The following TGFBR2 variants were observed in gnomAD, a reference collection of about 807,000 sequenced individuals.
The protein encoded by TGFBR2 is transforming growth factor beta receptor 2.
In TGFBR2, 18 loss-of-function variants were observed where a neutral mutation model predicts 49.0. That is an observed-to-expected ratio of 0.37 (90% CI 0.25 to 0.54). TGFBR2 has a LOEUF of 0.54. Ranked by LOEUF, TGFBR2 falls within the 20% of genes least tolerant of loss-of-function variation. The pLI is 0.85. For synonymous variants in TGFBR2, 282 were observed against 275.9 expected (o/e 1.02, Z -0.22); for missense variants, 525 against 722.6 (o/e 0.73, Z 3.13).
intron 1 of TGFBR2, among the ~76,000 whole-genome samples, chr3:30,607,384 G>A (rs1697942973): frequency 2.0e-5 from 3 of 152,250 alleles, no homozygotes; most frequent in Admixed American, 6.5e-5. Flanking sequence ...CCATGGCGAT[G>A]CCGCGTGCCC....
intron 1 of TGFBR2, among the ~76,000 whole-genome samples, chr3:30,637,520 G>A (rs1252998323): frequency 2.6e-5 from 4 of 152,212 alleles, no homozygotes; most frequent in Non-Finnish European, 5.9e-5. Flanking sequence ...GGTTGATGTA[G>A]TCCATAAAGA....
chr3:30,614,604 A>G (rs1698097508), intron 1 of TGFBR2, among the ~76,000 whole-genome samples: 2 of 152,190 alleles, frequency 1.3e-5, no homozygotes, highest in Non-Finnish European at 2.9e-5. Flanking sequence ...TTCATGGACT[A>G]ATTTCCCAAT....
chr3:30,624,574 C>T (rs1055040765), intron 1 of TGFBR2, among the ~76,000 whole-genome samples: 3 of 151,868 alleles, frequency 2.0e-5, no homozygotes, highest in Non-Finnish European at 4.4e-5. Context: ...TGAGATCGTG[C>T]CACTGCACTC....
intron 1 of TGFBR2, among the ~76,000 whole-genome samples, chr3:30,611,419 T>C (rs1189443675): frequency 6.6e-6 from 1 of 152,368 alleles, no homozygotes; most frequent in South Asian, 2.1e-4. Context: ...TCATGAAATA[T>C]GGAAAAAGAT....
intron 1 of TGFBR2, among the ~76,000 whole-genome samples, chr3:30,636,956 C>T (rs1382881485): frequency 4.0e-5 from 6 of 150,542 alleles, no homozygotes; most frequent in African/African-American, 7.3e-5. Flanking sequence ...CCCAGCTGCT[C>T]GGGAGGCTGA....
At chr3:30,659,801 C>T (rs537405599) in intron 3 of TGFBR2, among the ~76,000 whole-genome samples, 44 of 152,032 alleles carry the variant, frequency 2.9e-4, no homozygotes, top group Non-Finnish European at 5.6e-4. Context: ...CCATGTGTTC[C>T]ATAAACTCCA....
At position 30,693,998 on chromosome 3, in the gene TGFBR2, ACT is replaced by A. The variant is rs1362853559; in HGVS notation, c.*2402_*2403del. The A allele has an allele frequency of 1.7e-5, 4 of 229,640 alleles. No homozygotes were observed. The highest frequency in any genetic ancestry group is 1.7e-4 in the Admixed American group (3 of 17,648). The allele number at this position is 229,640 out of a possible 1,614,324, so 14.2% of individuals were successfully genotyped here. ...TAAAATAGGAATGTGAATGCTATAT[ACT>A]CTTTTTATATCAAAAGTCTCAAGCA... On this transcript the variant is annotated 3_prime_UTR_variant, in exon 7 of 7. Coordinates refer to ENST00000295754, the MANE Select transcript of TGFBR2 (RefSeq NM_003242.6).
chr3:30,645,735 C>T (rs1698723757), intron 2 of TGFBR2, among the ~76,000 whole-genome samples: 1 of 152,096 alleles, frequency 6.6e-6, no homozygotes, highest in Non-Finnish European at 1.5e-5. Context: ...ATCCACTCGC[C>T]TCTGCCTCCC....
At position 30,692,897 on chromosome 3, in the gene TGFBR2, G is replaced by A. The variant is rs1020318200; in HGVS notation, c.*1298G>A. The A allele has an allele frequency of 4.3e-5, 10 of 233,124 alleles. No homozygotes were observed. Among genetic ancestry groups the A allele is most frequent in the African/African-American group, 2.2e-4 (10 of 45,328 alleles). 14.4% of individuals were successfully genotyped at this position (233,124 alleles called of 1,614,324 possible). ...TATCTCCAGTCCACGTTCACAAAATGTGAAGGTGTGGAGACACTTACAAAG... is the reference window on the plus strand; with the variant it reads ...TATCTCCAGTCCACGTTCACAAAATATGAAGGTGTGGAGACACTTACAAAG... On this transcript the variant is annotated 3_prime_UTR_variant, in exon 7 of 7. Transcript: ENST00000295754.
chr3:30,652,628 G>A (rs3821669), intron 3 of TGFBR2, among the ~76,000 whole-genome samples: 23,610 of 152,136 alleles, frequency 0.16, 2,110 homozygotes, highest in East Asian at 0.38. Context: ...TACCAGGTCA[G>A]CTTTCTTCAA....
intron 1 of TGFBR2, among the ~76,000 whole-genome samples, chr3:30,630,764 G>T (rs572504232): frequency 6.6e-6 from 1 of 152,122 alleles, no homozygotes; most frequent in African/African-American, 2.4e-5. Flanking sequence ...AACCAGCCTG[G>T]ATCCTTTTGC....
chr3:30,639,316 G>A (rs1171857734), intron 1 of TGFBR2, among the ~76,000 whole-genome samples: 1 of 152,196 alleles, frequency 6.6e-6, no homozygotes, highest in Non-Finnish European at 1.5e-5. Context: ...TGTTGTAGAT[G>A]TGATTAACAG....
At chr3:30,660,737 A>G (rs1247107935) in intron 3 of TGFBR2, among the ~76,000 whole-genome samples, 2 of 152,252 alleles carry the variant, frequency 1.3e-5, no homozygotes, top group Admixed American at 1.3e-4. Context: ...AACAAGGTCA[A>G]CGGCCTCATT....
At chr3:30,619,914 G>A (rs1297775846) in intron 1 of TGFBR2, among the ~76,000 whole-genome samples, 1 of 151,834 alleles carries the variant, frequency 6.6e-6, no homozygotes, top group African/African-American at 2.4e-5. Flanking sequence ...CTAGCCAGGC[G>A]TGGTGGCTTA....
At chr3:30,661,862 T>C (rs1293006780) in intron 3 of TGFBR2, among the ~76,000 whole-genome samples, 1 of 152,180 alleles carries the variant, frequency 6.6e-6, no homozygotes, top group Non-Finnish European at 1.5e-5. Flanking sequence ...AGAGAACAGA[T>C]CACTTTACCC....
At chr3:30,624,380 G>A in intron 1 of TGFBR2, among the ~76,000 whole-genome samples, 1 of 152,042 alleles carries the variant, frequency 6.6e-6, no homozygotes. Context: ...ATCTTTGGGA[G>A]GCCGAGGAGG....
intron 1 of TGFBR2, among the ~76,000 whole-genome samples, chr3:30,609,673 G>T (rs1697995240): frequency 6.6e-6 from 1 of 152,176 alleles, no homozygotes; most frequent in Non-Finnish European, 1.5e-5. Context: ...CCTGGAAGTA[G>T]ATAGATTCTT....
intron 1 of TGFBR2, among the ~76,000 whole-genome samples, chr3:30,624,356 A>T (rs1698290382): frequency 6.6e-6 from 1 of 152,092 alleles, no homozygotes; most frequent in Admixed American, 6.5e-5. Context: ...GGTGGCTCAC[A>T]CCTGTAATCC....
intron 1 of TGFBR2, among the ~76,000 whole-genome samples, chr3:30,610,713 G>A (rs1698013492): frequency 6.6e-6 from 1 of 152,122 alleles, no homozygotes; most frequent in African/African-American, 2.4e-5. Flanking sequence ...ATAAAATATT[G>A]TTTTAAAGTA....
Sources: gnomAD v4.1 joint callset for allele counts (sites outside exome capture counted in the v4.1 genomes callset) on GRCh38, gnomAD v4.1.1 for gene constraint, MANE v1.5 for transcripts, NCBI Gene and HGNC (gene_info 2026-07-23, HGNC 2026-07-21) for gene names.